WWOX: variants seen among roughly 807,000 people sequenced by gnomAD.
WWOX encodes WW domain containing oxidoreductase.
A neutral mutation model predicts 46.2 loss-of-function variants in WWOX; 69 were observed. The observed-to-expected ratio is 1.49, with a 90% confidence interval of 1.23 to 1.82. The LOEUF (loss-of-function observed/expected upper bound fraction) is 1.82, where lower values mean the gene tolerates loss of function less well. WWOX is among the 40% of genes most tolerant of loss of function. The pLI is 0.00. For synonymous variants in WWOX, 359 were observed against 202.6 expected (o/e 1.77, Z -6.56); for missense variants, 919 against 542.6 (o/e 1.69, Z -6.89).
chr16:78,241,858 A>G (rs2037661218), intron 5 of WWOX, among the ~76,000 whole-genome samples: 1 of 152,188 alleles, frequency 6.6e-6, no homozygotes, highest in Non-Finnish European at 1.5e-5. Context: ...TGTCCATCAA[A>G]TCAGCTGCCT....
intron 8 of WWOX, among the ~76,000 whole-genome samples, chr16:78,980,593 T>C (rs2046661255): frequency 6.6e-6 from 1 of 152,234 alleles, no homozygotes; most frequent in South Asian, 2.1e-4. Flanking sequence ...CTCAGGATCC[T>C]ATGTAGGTAT....
chr16:78,790,530 G>A (rs932623961), intron 8 of WWOX, among the ~76,000 whole-genome samples: 1 of 152,158 alleles, frequency 6.6e-6, no homozygotes, highest in Admixed American at 6.5e-5. Flanking sequence ...AGCCAAAAGA[G>A]ACCAGTATCT....
At chr16:78,634,825 AGAGAGAGAGAGAGTGT>A (rs1246209060) in intron 8 of WWOX, among the ~76,000 whole-genome samples, 1 of 109,390 alleles carries the variant, frequency 9.1e-6, no homozygotes, top group African/African-American at 3.8e-5. Context: ...AGAGAGAGAG[AGAGAGAGAGAGAGTGT>A]GTGTGTGTGT....
chr16:78,841,757 T>C (rs2052157104), intron 8 of WWOX, among the ~76,000 whole-genome samples: 1 of 152,356 alleles, frequency 6.6e-6, no homozygotes, highest in South Asian at 2.1e-4. Context: ...TGTACTATTT[T>C]ATTGTCAATT....
At chr16:78,489,873 T>C (rs927548425) in intron 8 of WWOX, among the ~76,000 whole-genome samples, 1 of 152,098 alleles carries the variant, frequency 6.6e-6, no homozygotes, top group Non-Finnish European at 1.5e-5. Flanking sequence ...GTAACAGTTG[T>C]GGGAGGAGGA....
At chr16:78,617,051 C>T (rs1002865493) in intron 8 of WWOX, among the ~76,000 whole-genome samples, 2 of 152,178 alleles carry the variant, frequency 1.3e-5, no homozygotes, top group African/African-American at 2.4e-5. Flanking sequence ...CTCTAACATG[C>T]ACATGGCCAG....
intron 8 of WWOX, among the ~76,000 whole-genome samples, chr16:78,914,876 C>G (rs1243506148): frequency 8.3e-6 from 1 of 120,878 alleles, no homozygotes; most frequent in Non-Finnish European, 1.7e-5. Context: ...GAGACTCCGC[C>G]TCAGAAAAAA....
chr16:78,851,907 T>C (rs945771161), intron 8 of WWOX, among the ~76,000 whole-genome samples: 3 of 152,212 alleles, frequency 2.0e-5, no homozygotes, highest in African/African-American at 7.2e-5. Flanking sequence ...ATTTAAACCC[T>C]TCATGCCCAT....
intron 8 of WWOX, among the ~76,000 whole-genome samples, chr16:78,911,185 C>A (rs984826705): frequency 6.6e-6 from 1 of 151,896 alleles, no homozygotes; most frequent in Non-Finnish European, 1.5e-5. Context: ...CACACCAGCC[C>A]ACTTTCCAGT....
At chr16:78,816,138 G>T (rs972802788) in intron 8 of WWOX, among the ~76,000 whole-genome samples, 3 of 152,142 alleles carry the variant, frequency 2.0e-5, no homozygotes, top group African/African-American at 7.2e-5. Context: ...GCAGAATCCA[G>T]TATCTGTTGT....
intron 5 of WWOX, among the ~76,000 whole-genome samples, chr16:78,382,166 T>G (rs900720674): frequency 6.6e-6 from 1 of 152,204 alleles, no homozygotes; most frequent in African/African-American, 2.4e-5. Context: ...ACTGAGTTAG[T>G]TGTTGTTGTT....
At position 79,142,165 on chromosome 16, in the gene WWOX, A is replaced by G. The variant is rs188218751; in HGVS notation, c.1057-69443A>G. ...GAGTCCTTGCTCTGTGTCAGGCCAC[A>G]GTGTAGATATTCCAGGGATGGAGGT... On this transcript the variant is annotated intron_variant, in intron 8 of 8. Coordinates refer to ENST00000566780, the MANE Select transcript of WWOX (RefSeq NM_016373.4). 1.3e-4 allele frequency among the ~76,000 whole-genome samples: 20 copies of G among 152,242 alleles called. No individual in the cohort carries two copies. In the East Asian group the frequency reaches 3.1e-3, roughly 24 times the overall value.
chr16:78,979,841 C>A (rs1325864792), intron 8 of WWOX, among the ~76,000 whole-genome samples: 2 of 152,114 alleles, frequency 1.3e-5, no homozygotes, highest in South Asian at 2.1e-4. Flanking sequence ...TAGAATAAAT[C>A]AACGTGGCTG....
intron 8 of WWOX, among the ~76,000 whole-genome samples, chr16:79,181,940 G>A (rs114607155): frequency 0.01 from 1,523 of 152,208 alleles, 20 homozygotes; most frequent in African/African-American, 0.035. Context: ...AACATCATTC[G>A]TTTGAAAGCT....
intron 8 of WWOX, among the ~76,000 whole-genome samples, chr16:79,152,135 C>A (rs1294662706): frequency 6.6e-6 from 1 of 152,164 alleles, no homozygotes; most frequent in Non-Finnish European, 1.5e-5. Flanking sequence ...TAAAAGATAT[C>A]GATTTTGTTT....
intron 8 of WWOX, among the ~76,000 whole-genome samples, chr16:78,594,112 C>T (rs978482086): frequency 6.6e-6 from 1 of 152,082 alleles, no homozygotes; most frequent in African/African-American, 2.4e-5. Context: ...CTTCTCAACT[C>T]CTTCTCAACT....
intron 4 of WWOX, among the ~76,000 whole-genome samples, chr16:78,147,448 G>C (rs1401909774): frequency 2.0e-5 from 3 of 152,072 alleles, no homozygotes; most frequent in Non-Finnish European, 4.4e-5. Context: ...TTGAAAAGTT[G>C]CGTCTTAAAA....
At chr16:78,874,970 C>G (rs889628354) in intron 8 of WWOX, among the ~76,000 whole-genome samples, 1 of 152,168 alleles carries the variant, frequency 6.6e-6, no homozygotes, top group South Asian at 2.1e-4. Context: ...CATGACTTCA[C>G]GTTGCATACA....
chr16:79,019,016 G>T (rs950004268), intron 8 of WWOX, among the ~76,000 whole-genome samples: 1 of 151,640 alleles, frequency 6.6e-6, no homozygotes, highest in Non-Finnish European at 1.5e-5. Flanking sequence ...AGCCGGGCAG[G>T]CATGGTGGCT....
Sources: gnomAD v4.1 joint callset for allele counts (sites outside exome capture counted in the v4.1 genomes callset) on GRCh38, gnomAD v4.1.1 for gene constraint, MANE v1.5 for transcripts, NCBI Gene and HGNC (gene_info 2026-07-23, HGNC 2026-07-21) for gene names.